Variants in HSD11B1 observed in about 807,000 individuals in gnomAD.
HSD11B1 encodes hydroxysteroid 11-beta dehydrogenase 1.
A neutral mutation model predicts 22.1 loss-of-function variants in HSD11B1; 15 were observed. That is an observed-to-expected ratio of 0.68 (90% CI 0.45 to 1.04). The LOEUF (loss-of-function observed/expected upper bound fraction) is 1.04, where lower values mean the gene tolerates loss of function less well. Ranked by LOEUF, HSD11B1 falls within the 50% of genes least tolerant of loss-of-function variation. The pLI is 0.00. For missense variants in HSD11B1, 281 were observed against 357.6 expected, an observed-to-expected ratio of 0.79 and a Z score of 1.73; for synonymous variants, 122 against 125.2, an observed-to-expected ratio of 0.97 and a Z score of 0.17.
chr1:209,729,381 C>G (rs567857331), intron 4 of HSD11B1, among the ~76,000 whole-genome samples: 1 of 152,042 alleles, frequency 6.6e-6, no homozygotes, highest in Non-Finnish European at 1.5e-5. Flanking sequence ...CACACACACA[C>G]ACACACACAC....
rs763382293 is a variant in HSD11B1 at position 209,704,900 on chromosome 1, C to G, written c.-43C>G. On this transcript the variant is annotated 5_prime_UTR_variant, in exon 1 of 6. Transcript: ENST00000367027. ...GGTTGTAGAAAGCTCTGTAGGTTCT[C>G]TCTGTGTGTCCTACAGGAGTCTTCA... The G allele has an allele frequency of 3.4e-6, 5 of 1,455,110 alleles. No individual in the cohort carries two copies. The East Asian group carries it at 1.1e-4, about 33-fold the overall frequency. The allele number at this position is 1,455,110 out of a possible 1,614,324, so 90.1% of individuals were successfully genotyped here. A position where few individuals can be genotyped will look rare whatever the true frequency, so the allele number is the denominator to read the frequency against.
At chr1:209,694,268 A>G (rs1357109198) in intron 1 of HSD11B1, among the ~76,000 whole-genome samples, 1 of 152,190 alleles carries the variant, frequency 6.6e-6, no homozygotes, top group African/African-American at 2.4e-5. Flanking sequence ...CACTCAAAAA[A>G]TGCTTACTGA....
intron 4 of HSD11B1, among the ~76,000 whole-genome samples, chr1:209,713,742 T>G (rs973517943): frequency 6.6e-6 from 1 of 152,214 alleles, no homozygotes; most frequent in African/African-American, 2.4e-5. Context: ...AAATGCTATG[T>G]AAATAGCTGT....
intron 5 of HSD11B1, among the ~76,000 whole-genome samples, chr1:209,734,029 G>C (rs889031033): frequency 2.0e-5 from 3 of 152,126 alleles, no homozygotes; most frequent in Admixed American, 6.5e-5. Flanking sequence ...ATACCCAAGA[G>C]AGAAGCATGA....
intron 1 of HSD11B1, among the ~76,000 whole-genome samples, chr1:209,694,364 T>C (rs2076778369): frequency 6.6e-6 from 1 of 152,144 alleles, no homozygotes; most frequent in South Asian, 2.1e-4. Flanking sequence ...CCCAGAACTA[T>C]CTAATGGGAA....
Position 209,732,464 on chromosome 1 carries a change from C to T in HSD11B1, c.546C>T (p.Ala182=). Residue 182 remains alanine, a synonymous_variant, in exon 5 of 6, where the codon GCC becomes GCT. Coordinates refer to ENST00000367027, the MANE Select transcript of HSD11B1 (RefSeq NM_005525.4). ...AAGTGGCTTATCCAATGGTTGCTGC[C>T]TATTCTGCAAGCAAGTTTGCTTTGG... ...AGKVAYPMVA[A]YSASKFALDG... is the part of the protein sequence containing the mutation. The T allele has an allele frequency of 6.2e-7, 1 of 1,614,088 alleles. No homozygotes were observed. Among genetic ancestry groups the T allele is most frequent in the Non-Finnish European group, 8.5e-7 (1 of 1,180,006 alleles).
chr1:209,734,559 G>C lies in HSD11B1; in HGVS notation c.*38G>C, dbSNP rs752656564. ...GGCTGGGCATGCTGAGGGATTTTGG[G>C]ACTGTTCTGTCTCATGTTTATCTGA... On this transcript the variant is annotated 3_prime_UTR_variant, in exon 6 of 6. Transcript: ENST00000367027. 1 of 1,455,608 alleles carries C rather than the reference G, an allele frequency of 6.9e-7. No homozygotes were observed. The highest frequency in any genetic ancestry group is 1.1e-5 in the South Asian group (1 of 87,734). 90.2% of individuals were successfully genotyped at this position (1,455,608 alleles called of 1,614,324 possible). A position where few individuals can be genotyped will look rare whatever the true frequency, so the allele number is the denominator to read the frequency against.
intron 4 of HSD11B1, among the ~76,000 whole-genome samples, chr1:209,710,765 T>A (rs1212901722): frequency 6.6e-6 from 1 of 152,208 alleles, no homozygotes; most frequent in East Asian, 1.9e-4. Flanking sequence ...TCAGAAGGAA[T>A]AAAAGAACCT....
chr1:209,725,194 A>G (rs7539852), intron 4 of HSD11B1, among the ~76,000 whole-genome samples: 31,187 of 152,152 alleles, frequency 0.2, 3,244 homozygotes, highest in African/African-American at 0.2. Context: ...TACCACCATC[A>G]AAAATCCAAA....
At chr1:209,705,671 T>A (rs1183242913) in intron 1 of HSD11B1, 140 bp from the exon 2 acceptor site, 7 of 1,028,176 alleles carry the variant, frequency 6.8e-6, no homozygotes, top group Non-Finnish European at 4.5e-6. Flanking sequence ...CCACAGTGAT[T>A]TACGGAGTTT....
intron 4 of HSD11B1, among the ~76,000 whole-genome samples, chr1:209,721,026 C>T (rs148831532): frequency 1.5e-4 from 23 of 152,164 alleles, no homozygotes; most frequent in African/African-American, 5.3e-4. Context: ...AAGAAAAAGC[C>T]ATGTAAAGAT....
In HSD11B1 at chr1:209,734,309, G is replaced by A. The variant is rs771223943; in HGVS notation, c.667G>A (p.Ala223Thr). Reference protein sequence around the residue: ...CVLGLIDTETAMKAVSGIVHM... With the variant: ...CVLGLIDTETTMKAVSGIVHM... ...CTTCCCTTGTCATTCTATAGAAACA[G>A]CCATGAAGGCAGTTTCTGGGATAGT... Residue 223 changes from alanine to threonine, a missense_variant, in exon 6 of 6, where the codon GCC becomes ACC. By Grantham distance (58) the Ala-to-Thr change is moderately conservative. Coordinates refer to ENST00000367027, the MANE Select transcript of HSD11B1 (RefSeq NM_005525.4). 1 of 1,613,216 alleles carries A rather than the reference G, an allele frequency of 6.2e-7. No homozygotes were observed. The highest frequency in any genetic ancestry group is 8.5e-7 in the Non-Finnish European group (1 of 1,179,384).
intron 4 of HSD11B1, among the ~76,000 whole-genome samples, chr1:209,713,648 G>T (rs1571877451): frequency 6.6e-6 from 1 of 152,076 alleles, no homozygotes; most frequent in African/African-American, 2.4e-5. Flanking sequence ...GTATGAAATG[G>T]CATAGTATCT....
intron 4 of HSD11B1, among the ~76,000 whole-genome samples, chr1:209,723,698 C>T (rs921543613): frequency 2.0e-5 from 3 of 152,240 alleles, no homozygotes; most frequent in African/African-American, 7.2e-5. Context: ...TCTTTCCTCT[C>T]TTTCCCCACC....
At position 209,721,476 on chromosome 1, in the gene HSD11B1, A is replaced by AAAG. The variant is rs199853309; in HGVS notation, c.518-10958_518-10957insGAA. ...TTGAAATTATTTCAAAAGCAAAAAA[A>AAAG]AAAAAAAAAAATCCCCATCCTGGGA... On this transcript the variant is annotated intron_variant, in intron 4 of 5. Transcript: ENST00000367027. 9.3e-5 allele frequency among the ~76,000 whole-genome samples: 14 copies of AAAG among 150,268 alleles called. No individual in the cohort carries two copies. The Admixed American group carries it at 9.7e-4, about 10-fold the overall frequency.
chr1:209,734,409 T>G lies in HSD11B1; in HGVS notation c.767T>G (p.Val256Gly). 2 of 1,614,004 alleles carry G rather than the reference T, an allele frequency of 1.2e-6. No individual in the cohort carries two copies. Among genetic ancestry groups the G allele is most frequent in the Non-Finnish European group, 1.7e-6 (2 of 1,179,956 alleles). ...GGGGGAGCTCTGCGCCAAGAAGAAG[T>G]GTATTATGACAGCTCACTCTGGACC... is the stretch of plus-strand genomic sequence containing the variant. The part of the protein sequence containing the change: ...IKGGALRQEE[V>G]YYDSSLWTTL... The change falls in exon 6 of 6, where the codon GTG (valine) becomes GGG (glycine). Residue 256 changes from valine (V) to glycine (G), a missense_variant. By Grantham distance (109) the Val-to-Gly change is moderately radical. Coordinates refer to ENST00000367027, the MANE Select transcript of HSD11B1 (RefSeq NM_005525.4).
intron 4 of HSD11B1, among the ~76,000 whole-genome samples, chr1:209,719,502 T>C (rs116508151): frequency 0.013 from 1,973 of 152,264 alleles, 58 homozygotes; most frequent in African/African-American, 0.045. Context: ...TGGAGATGGA[T>C]GGTGGTGATG....
chr1:209,704,975 T>C lies in HSD11B1; in HGVS notation c.33T>C (p.Ile11=). The C allele has an allele frequency of 1.2e-6, 2 of 1,613,876 alleles. No homozygotes were observed. The highest frequency in any genetic ancestry group is 1.7e-4 in the Middle Eastern group (1 of 6,052). MAFMKKYLLP[I]LGLFMAYYYY... ...TTATGAAAAAATATCTCCTCCCCAT[T>C]CTGGGGCTCTTCATGGCCTACTACT... is the stretch of plus-strand genomic sequence containing the variant. The change falls in exon 1 of 6, where the codon ATT becomes ATC. Residue 11 remains isoleucine (I), a synonymous_variant. Coordinates refer to ENST00000367027, the MANE Select transcript of HSD11B1 (RefSeq NM_005525.4).
At chr1:209,687,772 A>G (rs1373464219) in intron 1 of HSD11B1, among the ~76,000 whole-genome samples, 2 of 152,224 alleles carry the variant, frequency 1.3e-5, no homozygotes, top group Non-Finnish European at 2.9e-5. Context: ...CATTCAGTTA[A>G]AAGATGCTCA....
Sources: allele counts gnomAD v4.1 joint callset (sites outside exome capture counted in the v4.1 genomes callset), GRCh38; gene constraint gnomAD v4.1.1; transcripts MANE v1.5; gene names NCBI Gene and HGNC (gene_info 2026-07-23, HGNC 2026-07-21).